The following PCCA variants were observed in gnomAD, a reference collection of about 807,000 sequenced individuals.
PCCA encodes the protein propionyl-CoA carboxylase subunit alpha, also known as propionyl-CoA carboxylase alpha chain, mitochondrial.
In PCCA, 74 loss-of-function variants were observed where a neutral mutation model predicts 101.3. The observed-to-expected ratio is 0.73, with a 90% confidence interval of 0.61 to 0.89. PCCA has a LOEUF of 0.89. PCCA is among the 40% of genes least tolerant of loss of function. PCCA has a pLI of 0.00. For synonymous variants in PCCA, 294 were observed against 313.6 expected (o/e 0.94, Z 0.66); for missense variants, 891 against 907.0 (o/e 0.98, Z 0.23).
chr13:100,100,377 T>G (rs991546932), intron 1 of PCCA, among the ~76,000 whole-genome samples: 4 of 152,228 alleles, frequency 2.6e-5, no homozygotes, highest in Non-Finnish European at 5.9e-5. Flanking sequence ...TCTCTCATTT[T>G]GGCTGTGATT....
intron 21 of PCCA, among the ~76,000 whole-genome samples, chr13:100,495,282 T>C (rs1359567274): frequency 6.6e-6 from 1 of 152,162 alleles, no homozygotes; most frequent in Non-Finnish European, 1.5e-5. Flanking sequence ...TGTTCCTGAG[T>C]AATTGCACAC....
chr13:100,166,470 T>C (rs1472886986), intron 6 of PCCA, among the ~76,000 whole-genome samples: 1 of 152,104 alleles, frequency 6.6e-6, no homozygotes, highest in African/African-American at 2.4e-5. Context: ...AGCTAATTTT[T>C]GTATTTTTAG....
intron 22 of PCCA, among the ~76,000 whole-genome samples, chr13:100,522,547 C>T (rs1205113934): frequency 4.6e-5 from 7 of 152,154 alleles, no homozygotes; most frequent in African/African-American, 1.7e-4. Flanking sequence ...CTGTGAACGT[C>T]CCCTGGCCTC....
chr13:100,388,377 T>C (rs1417702112), intron 19 of PCCA, among the ~76,000 whole-genome samples: 1 of 151,964 alleles, frequency 6.6e-6, no homozygotes, highest in Non-Finnish European at 1.5e-5. Context: ...GGTGGGAGGA[T>C]CAAGTGAGCC....
intron 6 of PCCA, among the ~76,000 whole-genome samples, chr13:100,186,595 G>T (rs571189813): frequency 1.6e-4 from 25 of 151,816 alleles, no homozygotes; most frequent in African/African-American, 5.3e-4. Context: ...TACAAAAATG[G>T]TTCAGGTGTG....
At chr13:100,405,915 C>T (rs747934474) in intron 19 of PCCA, among the ~76,000 whole-genome samples, 7 of 151,656 alleles carry the variant, frequency 4.6e-5, no homozygotes, top group Non-Finnish European at 8.8e-5. Flanking sequence ...TAAAGGTGTG[C>T]GCCACCATGC....
intron 4 of PCCA, among the ~76,000 whole-genome samples, chr13:100,120,187 T>TC (rs1330423698): frequency 6.6e-6 from 1 of 151,166 alleles, no homozygotes; most frequent in African/African-American, 2.4e-5. Flanking sequence ...CTTTTTTTTT[T>TC]TTTTTTTTTG....
intron 21 of PCCA, among the ~76,000 whole-genome samples, chr13:100,494,769 C>CGCTGGCTTCCTA (rs1053293390): frequency 5.9e-5 from 9 of 152,146 alleles, no homozygotes; most frequent in Non-Finnish European, 1.2e-4. Flanking sequence ...CTGCCCGGCC[C>CGCTGGCTTCCTA]GCTGGCTTCC....
intron 19 of PCCA, among the ~76,000 whole-genome samples, chr13:100,402,494 C>A (rs182126024): frequency 1.7e-3 from 266 of 152,200 alleles, no homozygotes; most frequent in Middle Eastern, 6.8e-3. Flanking sequence ...TATCAAGGAT[C>A]TGTCGTTCTT....
intron 18 of PCCA, among the ~76,000 whole-genome samples, chr13:100,348,593 T>C (rs947371777): frequency 6.6e-6 from 1 of 152,220 alleles, no homozygotes; most frequent in South Asian, 2.1e-4. Context: ...TAACTGGTAA[T>C]GATTGGAAGA....
Position 100,190,538 on chromosome 13 carries a change from G to A in PCCA, c.469-18794G>A, listed in dbSNP as rs565349127. On this transcript the variant is annotated intron_variant, in intron 6 of 23. Transcript: ENST00000376285. Reference sequence around the variant, plus strand: ...TCTCTACTAAAAATTAGCCAGATGTGATGGCATATACCTGTAGTCCCAGCT... The same window carrying A: ...TCTCTACTAAAAATTAGCCAGATGTAATGGCATATACCTGTAGTCCCAGCT... Among the ~76,000 whole-genome samples, 8 of 152,264 alleles carry A rather than the reference G, an allele frequency of 5.3e-5. No individual in the cohort carries two copies. The East Asian group carries it at 1.4e-3, about 26-fold the overall frequency.
intron 21 of PCCA, among the ~76,000 whole-genome samples, chr13:100,489,008 T>C (rs992907780): frequency 1.2e-4 from 18 of 152,112 alleles, no homozygotes; most frequent in Non-Finnish European, 2.4e-4. Flanking sequence ...CCAACTGTTT[T>C]TGAAAATAAA....
intron 20 of PCCA, among the ~76,000 whole-genome samples, chr13:100,439,421 C>T (rs1364684400): frequency 1.3e-5 from 2 of 152,118 alleles, no homozygotes; most frequent in East Asian, 1.9e-4. Flanking sequence ...ACAGAAGATT[C>T]GCTGTGTCCT....
intron 12 of PCCA, among the ~76,000 whole-genome samples, chr13:100,283,324 C>G (rs1454156311): frequency 2.0e-5 from 3 of 152,186 alleles, no homozygotes; most frequent in Non-Finnish European, 2.9e-5. Flanking sequence ...TGGATCCCCA[C>G]TGGGACCTTG....
chr13:100,244,768 T>A lies in PCCA; in HGVS notation c.637+8890T>A, dbSNP rs1268687467. Reference sequence around the variant, plus strand: ...TAGGCAGGCAAAATCAGTTTTTCCTTTCTCTGCCAAAGAAATAGTGTCATA... The same window carrying A: ...TAGGCAGGCAAAATCAGTTTTTCCTATCTCTGCCAAAGAAATAGTGTCATA... On this transcript the variant is annotated intron_variant, in intron 8 of 23. Coordinates refer to ENST00000376285, the MANE Select transcript of PCCA (RefSeq NM_000282.4). Among the ~76,000 whole-genome samples, 4 of 152,286 alleles carry A rather than the reference T, an allele frequency of 2.6e-5. No homozygotes were observed. In the East Asian group the frequency reaches 7.7e-4, roughly 29 times the overall value.
intron 2 of PCCA, among the ~76,000 whole-genome samples, chr13:100,108,600 C>G (rs996417937): frequency 1.3e-5 from 2 of 152,146 alleles, no homozygotes; most frequent in Non-Finnish European, 2.9e-5. Flanking sequence ...TTCATGTGCT[C>G]CCTTCTCTGT....
intron 6 of PCCA, among the ~76,000 whole-genome samples, chr13:100,177,131 G>A (rs1304314625): frequency 6.6e-6 from 1 of 152,170 alleles, no homozygotes; most frequent in Non-Finnish European, 1.5e-5. Context: ...CTTTTAATTG[G>A]TGTTTTATTT....
intron 19 of PCCA, among the ~76,000 whole-genome samples, chr13:100,372,560 A>C (rs1451351703): frequency 6.6e-6 from 1 of 152,150 alleles, no homozygotes; most frequent in Non-Finnish European, 1.5e-5. Context: ...AAAATTTTCC[A>C]TTCTAAACAC....
chr13:100,099,747 A>G (rs1373377643), intron 1 of PCCA, among the ~76,000 whole-genome samples: 2 of 151,940 alleles, frequency 1.3e-5, no homozygotes, highest in Non-Finnish European at 2.9e-5. Context: ...CTTTTTGTGT[A>G]AGTTATTGTG....
Sources: allele counts gnomAD v4.1 joint callset (sites outside exome capture counted in the v4.1 genomes callset), GRCh38; gene constraint gnomAD v4.1.1; transcripts MANE v1.5; gene names NCBI Gene and HGNC (gene_info 2026-07-23, HGNC 2026-07-21).